The following FMR1 variants were observed in gnomAD, a reference collection of about 807,000 sequenced individuals.
FMR1 encodes FMRP translational regulator 1.
FMR1 carries 13 observed loss-of-function variants against 50.6 expected under a neutral mutation model. The observed-to-expected ratio is 0.26, with a 90% CI of 0.17 to 0.41. The LOEUF (loss-of-function observed/expected upper bound fraction) is 0.41. FMR1 is among the 10% of genes least tolerant of loss of function. The probability of loss-of-function intolerance (pLI) is 1.00; values close to 1 mark genes in which losing one functional copy is unlikely to be tolerated. For synonymous variants in FMR1, 138 were observed against 164.1 expected, an observed-to-expected ratio of 0.84 and a Z score of 1.22; for missense variants, 316 against 491.3, an observed-to-expected ratio of 0.64 and a Z score of 3.37.
chrX:147,928,248 C>T (rs2043458458), intron 3 of FMR1, 74 bp from the exon 4 acceptor site: 2 of 977,947 alleles, frequency 2.0e-6, no homozygotes, highest in East Asian at 6.1e-5. Context: ...AGAAAATTTC[C>T]TCGATATCTG....
chrX:147,922,228 G>T (rs1282845703), intron 2 of FMR1, among the ~76,000 whole-genome samples: 3 of 111,717 alleles, frequency 2.7e-5, no homozygotes, highest in African/African-American at 9.7e-5. Context: ...CCTTGAATGT[G>T]AAGAAAGAAA....
At position 147,943,038 on chromosome X, in the gene FMR1, A is replaced by T. The variant is rs25719; in HGVS notation, c.1276-93A>T. 100,114 of 719,359 alleles carry T rather than the reference A, an allele frequency of 0.14. 5,401 individuals are homozygous for T. Among genetic ancestry groups the T allele is most frequent in the South Asian group, 0.18 (7,350 of 41,423 alleles). 59.3% of individuals were successfully genotyped at this position (719,359 alleles called of 1,213,427 possible). ...GTAAATTTAGAACTGAAATTGAAAT[A>T]TTCCAGTATATTTTTATCTGATGAA... On this transcript the variant is annotated intron_variant, in intron 13 of 16. Coordinates refer to ENST00000370475, the MANE Select transcript of FMR1 (RefSeq NM_002024.6).
intron 5 of FMR1, 127 bp from the exon 6 acceptor site, chrX:147,929,821 T>A: frequency 2.0e-6 from 1 of 489,918 alleles, no homozygotes. Context: ...TCTAAATGGA[T>A]ATAGCATATT....
intron 16 of FMR1, among the ~76,000 whole-genome samples, chrX:147,945,900 G>T (rs1288333614): frequency 9.0e-6 from 1 of 111,028 alleles, no homozygotes; most frequent in African/African-American, 3.3e-5. Flanking sequence ...TTTGAGACGG[G>T]AGTTTCGCTT....
rs782187286 is a variant in FMR1 at position 147,929,217 on chromosome X, A to G, written c.419+410A>G. Reference sequence around the variant, plus strand: ...GATAAATGTGTAATAAGTAGAGCCAAAGAAGCTTTAAAAAGTCATCTCATC... The same window carrying G: ...GATAAATGTGTAATAAGTAGAGCCAGAGAAGCTTTAAAAAGTCATCTCATC... On this transcript the variant is annotated intron_variant, in intron 5 of 16. Coordinates refer to ENST00000370475, the MANE Select transcript of FMR1 (RefSeq NM_002024.6). Among the ~76,000 whole-genome samples the G allele has an allele frequency of 5.3e-5, 6 of 112,342 alleles. No individual in the cohort carries two copies. The South Asian group carries it at 2.2e-3, about 40-fold the overall frequency.
Position 147,948,920 on chromosome X carries a change from C to A in FMR1, c.*76C>A. On this transcript the variant is annotated 3_prime_UTR_variant, in exon 17 of 17. Transcript: ENST00000370475. ...TCCATATTAGAAAACTTTGTTAGGC[C>A]AAAGACAAATAGTAGGCAAGATGGC... The A allele has an allele frequency of 2.0e-6, 2 of 1,024,469 alleles. No homozygotes were observed. The highest frequency in any genetic ancestry group is 3.1e-5 in the East Asian group (1 of 32,527). The allele number at this position is 1,024,469 out of a possible 1,213,427, so 84.4% of individuals were successfully genotyped here. A position where few individuals can be genotyped will look rare whatever the true frequency, so the allele number is the denominator to read the frequency against.
rs1557178437 is a variant in FMR1 at position 147,930,140 on chromosome X, G to A, written c.526G>A (p.Val176Ile). Residue 176 changes from valine (V) to isoleucine (I), a missense_variant, in exon 7 of 17, where the codon GTC (valine) becomes ATC (isoleucine). Val to Ile is a conservative substitution (Grantham distance 29). Around this residue, in one of 4 missense-constraint regions of FMR1, gnomAD observed 124 missense variants for 238.1 expected, o/e 0.52. Coordinates refer to ENST00000370475, the MANE Select transcript of FMR1 (RefSeq NM_002024.6). Reference protein sequence around the residue: ...YQLVILSINEVTSKRAHMLID... With the variant: ...YQLVILSINEITSKRAHMLID... ...TTAAATCATTTAGTCCATCAATGAA[G>A]TCACCTCAAAGCGAGCACATATGCT... 8.3e-7 allele frequency: 1 copy of A among 1,203,320 alleles called. No homozygotes were observed. The highest frequency in any genetic ancestry group is 1.8e-5 in the South Asian group (1 of 56,805).
chrX:147,922,878 T>G (rs1186919726), intron 2 of FMR1, among the ~76,000 whole-genome samples: 1 of 111,723 alleles, frequency 9.0e-6, no homozygotes, highest in African/African-American at 3.3e-5. Context: ...TACAGGATTT[T>G]TGTGTGTGTG....
Position 147,918,096 on chromosome X carries a change from G to A in FMR1, c.52-3837G>A, listed in dbSNP as rs149524570. Among the ~76,000 whole-genome samples the A allele has an allele frequency of 2.8e-3, 309 of 111,448 alleles. 1 individual carries two copies. Among genetic ancestry groups the A allele is most frequent in the African/African-American group, 9.6e-3 (294 of 30,552 alleles). On this transcript the variant is annotated intron_variant, in intron 1 of 16. Coordinates refer to ENST00000370475, the MANE Select transcript of FMR1 (RefSeq NM_002024.6). ...TAGCAAAACACAGTTTTCCAAGGTG[G>A]TGATAGGTGGAGTGATAGTGCTCTG...
chrX:147,947,754 A>AACGAG lies in FMR1; in HGVS notation c.1738-926_1738-922dup, dbSNP rs782296772. On this transcript the variant is annotated intron_variant, in intron 16 of 16. Transcript: ENST00000370475. Reference sequence around the variant, plus strand: ...CAAATCAAAGTACTGAATCCTTGGTAACGAGACATTTAAAACACATGCACA... The same window carrying AACGAG: ...CAAATCAAAGTACTGAATCCTTGGTAACGAGACGAGACATTTAAAACACATGCACA... Among the ~76,000 whole-genome samples the AACGAG allele has an allele frequency of 2.7e-5, 3 of 111,483 alleles. No individual in the cohort carries two copies. In the East Asian group the frequency reaches 8.4e-4, roughly 31 times the overall value.
At chrX:147,915,531 G>A (rs1373448041) in intron 1 of FMR1, among the ~76,000 whole-genome samples, 1 of 110,441 alleles carries the variant, frequency 9.1e-6, no homozygotes, top group Non-Finnish European at 1.9e-5. Context: ...TAGGATCTTT[G>A]TGGCTGCATC....
At chrX:147,913,928 T>C (rs1231110246) in intron 1 of FMR1, 1 of 111,850 alleles carries the variant, frequency 8.9e-6, no homozygotes, top group African/African-American at 3.3e-5. Flanking sequence ...AGGCAAGATT[T>C]TGATTGACCT....
chrX:147,917,081 G>C (rs2042907291), intron 1 of FMR1, among the ~76,000 whole-genome samples: 2 of 112,056 alleles, frequency 1.8e-5, no homozygotes, highest in African/African-American at 6.5e-5. Flanking sequence ...TTCCTAACGA[G>C]AATTATCATA....
At chrX:147,935,445 C>T (rs781933434) in intron 9 of FMR1, among the ~76,000 whole-genome samples, 3 of 112,263 alleles carry the variant, frequency 2.7e-5, no homozygotes, top group Non-Finnish European at 3.8e-5. Context: ...CCAACTTTGC[C>T]TTGAGCTTTG....
At chrX:147,928,425 A>G (rs1557177937) in intron 4 of FMR1, 32 bp downstream of exon 4, 1 of 1,098,591 alleles carries the variant, frequency 9.1e-7, no homozygotes, top group South Asian at 1.9e-5. Context: ...TTTTTTTCTT[A>G]TATTGTTTCC....
intron 16 of FMR1, among the ~76,000 whole-genome samples, chrX:147,946,200 G>A (rs1345495846): frequency 8.9e-6 from 1 of 112,153 alleles, no homozygotes; most frequent in African/African-American, 3.2e-5. Flanking sequence ...ATACCACATT[G>A]GTAGACCTGC....
intron 3 of FMR1, 138 bp from the exon 4 acceptor site, chrX:147,928,184 A>G (rs782755446): frequency 3.9e-5 from 20 of 519,177 alleles, no homozygotes; most frequent in African/African-American, 1.6e-4. Context: ...CAGGGTTACA[A>G]TTTGGTTGAG....
At chrX:147,945,462 G>A in intron 15 of FMR1, 72 bp from the exon 16 acceptor site, 1 of 816,057 alleles carries the variant, frequency 1.2e-6, no homozygotes, top group Non-Finnish European at 1.9e-6. Flanking sequence ...AATAGAGGGT[G>A]TGGGAATAAA....
At chrX:147,930,700 A>G (rs1435650346) in intron 7 of FMR1, among the ~76,000 whole-genome samples, 1 of 111,687 alleles carries the variant, frequency 9.0e-6, no homozygotes, top group Non-Finnish European at 1.9e-5. Context: ...TCCCTAACTT[A>G]CTATTTTGTC....
Sources: gnomAD v4.1 joint callset for allele counts (sites outside exome capture counted in the v4.1 genomes callset) on GRCh38, gnomAD v4.1.1 for gene constraint, gnomAD v4.1.1 regional missense constraint, MANE v1.5 for transcripts, NCBI Gene and HGNC (gene_info 2026-07-23, HGNC 2026-07-21) for gene names.